PRKCB: variants seen among roughly 807,000 people sequenced by gnomAD.
PRKCB encodes protein kinase C beta.
In PRKCB, 13 loss-of-function variants were observed where a neutral mutation model predicts 81.5. The ratio of observed to expected loss-of-function variants is 0.16; its 90% CI spans 0.10 to 0.25. The LOEUF is 0.25. PRKCB is among the 10% of genes least tolerant of loss of function. PRKCB has a pLI of 1.00. For synonymous variants in PRKCB, 335 were observed against 321.4 expected, an observed-to-expected ratio of 1.04 and a Z score of -0.45; for missense variants, 509 against 875.7, an observed-to-expected ratio of 0.58 and a Z score of 5.29.
intron 2 of PRKCB, among the ~76,000 whole-genome samples, chr16:23,888,767 C>A (rs1963243493): frequency 1.3e-5 from 2 of 152,126 alleles, no homozygotes; most frequent in African/African-American, 4.8e-5. Context: ...CAGGATGGGG[C>A]TACTGTGCAG....
intron 2 of PRKCB, among the ~76,000 whole-genome samples, chr16:23,937,477 C>A (rs931868442): frequency 3.9e-5 from 6 of 152,178 alleles, no homozygotes; most frequent in Non-Finnish European, 7.3e-5. Context: ...ACCTCTGATG[C>A]AGCATTTACA....
At chr16:24,190,145 G>A (rs1357376537) in intron 15 of PRKCB, among the ~76,000 whole-genome samples, 1 of 152,188 alleles carries the variant, frequency 6.6e-6, no homozygotes, top group Non-Finnish European at 1.5e-5. Context: ...GAACACCAAA[G>A]AAACCTCAGC....
At chr16:24,096,666 A>AATATATATATAT (rs58341820) in intron 7 of PRKCB, among the ~76,000 whole-genome samples, 96 of 32,490 alleles carry the variant, frequency 3.0e-3, no homozygotes, top group South Asian at 4.6e-3. Context: ...AAAAAAAAAA[A>AATATATATATAT]ATATATATAT....
At chr16:23,846,448 A>G (rs1300449892) in intron 2 of PRKCB, among the ~76,000 whole-genome samples, 1 of 151,658 alleles carries the variant, frequency 6.6e-6, no homozygotes, top group African/African-American at 2.4e-5. Flanking sequence ...CTTCACTACT[A>G]AAAATACAAA....
In PRKCB at chr16:23,836,152, G is replaced by C. The variant is rs767070226; in HGVS notation, c.-24G>C. 18 of 1,455,874 alleles carry C rather than the reference G, an allele frequency of 1.2e-5. No homozygotes were observed. The highest frequency in any genetic ancestry group is 6.0e-5 in the African/African-American group (4 of 67,076). 90.2% of individuals were successfully genotyped at this position (1,455,874 alleles called of 1,614,324 possible). A position where few individuals can be genotyped will look rare whatever the true frequency, so the allele number is the denominator to read the frequency against. ...CGCGGCCCCGGGGCCGGCACCTCTCGGGCTCCGGCTCCCCGCGCGCAAGAT... is the reference window on the plus strand; with the variant it reads ...CGCGGCCCCGGGGCCGGCACCTCTCCGGCTCCGGCTCCCCGCGCGCAAGAT... On this transcript the variant is annotated 5_prime_UTR_variant, in exon 1 of 17. Coordinates refer to ENST00000643927, the MANE Select transcript of PRKCB (RefSeq NM_002738.7).
chr16:24,055,101 G>C (rs1380431478), intron 5 of PRKCB, among the ~76,000 whole-genome samples: 4 of 152,248 alleles, frequency 2.6e-5, no homozygotes, highest in Non-Finnish European at 5.9e-5. Flanking sequence ...CAAATGAGGG[G>C]CCCTCTTGGG....
intron 7 of PRKCB, among the ~76,000 whole-genome samples, chr16:24,109,013 G>A (rs1362125760): frequency 6.3e-5 from 9 of 141,824 alleles, no homozygotes; most frequent in African/African-American, 1.6e-4. Context: ...CGGACGGGGC[G>A]GCTGGCCGGG....
rs114066955 is a variant in PRKCB at position 23,917,168 on chromosome 16, C to T, written c.206-71340C>T. On this transcript the variant is annotated intron_variant, in intron 2 of 16. Coordinates refer to ENST00000643927, the MANE Select transcript of PRKCB (RefSeq NM_002738.7). ...AGTGGTCTTGGGTCACTGCAACCTC[C>T]ACTTTCCAGGTTCATGTGATTCTTC... Among the ~76,000 whole-genome samples, 408 of 152,268 alleles carry T rather than the reference C, an allele frequency of 2.7e-3. 3 individuals are homozygous for T. Among genetic ancestry groups the T allele is most frequent in the African/African-American group, 9.1e-3 (380 of 41,556 alleles).
chr16:24,109,351 G>A (rs183373759), intron 7 of PRKCB, among the ~76,000 whole-genome samples: 1 of 62,046 alleles, frequency 1.6e-5, no homozygotes, highest in East Asian at 5.1e-4. Context: ...CTTCCCAGAC[G>A]GGGCGGCTGC....
At chr16:24,146,232 C>T (rs1015465823) in intron 9 of PRKCB, among the ~76,000 whole-genome samples, 2 of 152,152 alleles carry the variant, frequency 1.3e-5, no homozygotes, top group Admixed American at 6.5e-5. Flanking sequence ...TTCCAGCCTC[C>T]AGAACTCTGA....
At chr16:23,882,027 T>TTTCTCTTTCTTTCTTTCTTTC (rs1963128923) in intron 2 of PRKCB, among the ~76,000 whole-genome samples, 1 of 121,004 alleles carries the variant, frequency 8.3e-6, no homozygotes, top group Non-Finnish European at 1.8e-5. Context: ...TCTTTCTTCC[T>TTTCTCTTTCTTTCTTTCTTTC]TCCTTCCTTC....
intron 2 of PRKCB, among the ~76,000 whole-genome samples, chr16:23,956,979 TAAAAAAAAAA>T (rs10714409): frequency 2.6e-4 from 12 of 45,976 alleles, no homozygotes; most frequent in East Asian, 1.9e-3. Flanking sequence ...CTATAGGCAG[TAAAAAAAAAA>T]AAAAAAAAAA....
intron 2 of PRKCB, among the ~76,000 whole-genome samples, chr16:23,906,664 T>C (rs989226901): frequency 6.6e-6 from 1 of 152,212 alleles, no homozygotes; most frequent in Non-Finnish European, 1.5e-5. Context: ...TTTAAATCTT[T>C]AATCCATCTG....
chr16:24,060,291 G>A (rs1371247246), intron 5 of PRKCB, among the ~76,000 whole-genome samples: 1 of 152,120 alleles, frequency 6.6e-6, no homozygotes, highest in Non-Finnish European at 1.5e-5. Context: ...CAGAGTCATG[G>A]CAAGGATGAA....
chr16:24,064,078 A>G (rs557170078), intron 5 of PRKCB, among the ~76,000 whole-genome samples: 7 of 152,272 alleles, frequency 4.6e-5, no homozygotes, highest in Admixed American at 4.6e-4. Context: ...GCCAGGAGAA[A>G]GGTAGGAAAG....
intron 9 of PRKCB, among the ~76,000 whole-genome samples, chr16:24,141,844 G>T (rs1185135549): frequency 6.6e-6 from 1 of 152,156 alleles, no homozygotes. Context: ...TTTGTGTAAG[G>T]ATCTCCCAGG....
intron 9 of PRKCB, among the ~76,000 whole-genome samples, chr16:24,144,318 G>C (rs958746728): frequency 6.6e-6 from 1 of 152,004 alleles, no homozygotes; most frequent in Non-Finnish European, 1.5e-5. Flanking sequence ...TTTTGAGACC[G>C]AGTCTCACTC....
rs200674115 is a variant in PRKCB, at chr16:23,993,973, G to T, written c.288+5383G>T. 5.9e-5 allele frequency among the ~76,000 whole-genome samples: 9 copies of T among 152,290 alleles called. No individual in the cohort carries two copies. In the East Asian group the frequency reaches 1.7e-3, roughly 29 times the overall value. Reference sequence around the variant, plus strand: ...ATCATAGCCCCTCAGTCCATTCCCAGACTTGAGCCAGTTTATAGACCCAGA... The same window carrying T: ...ATCATAGCCCCTCAGTCCATTCCCATACTTGAGCCAGTTTATAGACCCAGA... On this transcript the variant is annotated intron_variant, in intron 3 of 16. Coordinates refer to ENST00000643927, the MANE Select transcript of PRKCB (RefSeq NM_002738.7).
chr16:24,055,139 G>C (rs761503368), intron 5 of PRKCB, among the ~76,000 whole-genome samples: 1 of 152,272 alleles, frequency 6.6e-6, no homozygotes, highest in Admixed American at 6.5e-5. Flanking sequence ...GAGCTCTGGG[G>C]ACTTCTGTAC....
Sources: allele counts gnomAD v4.1 joint callset (sites outside exome capture counted in the v4.1 genomes callset), GRCh38; gene constraint gnomAD v4.1.1; transcripts MANE v1.5; gene names NCBI Gene and HGNC (gene_info 2026-07-23, HGNC 2026-07-21).